Variants in FBXL4 observed in about 807,000 individuals in gnomAD.
The protein encoded by FBXL4 is F-box and leucine rich repeat protein 4.
A neutral mutation model predicts 58.9 loss-of-function variants in FBXL4; 40 were observed. The observed-to-expected ratio is 0.68, with a 90% CI of 0.53 to 0.88. FBXL4 has a LOEUF of 0.88. Among genes scored for constraint, FBXL4 ranks in the 40% least tolerant of loss-of-function variants. The pLI is 0.00. For synonymous variants in FBXL4, 263 were observed against 265.5 expected, an observed-to-expected ratio of 0.99 and a Z score of 0.09; for missense variants, 676 against 734.4, an observed-to-expected ratio of 0.92 and a Z score of 0.92.
intron 5 of FBXL4, among the ~76,000 whole-genome samples, chr6:98,911,173 G>T (rs190691764): frequency 2.8e-4 from 43 of 152,302 alleles, no homozygotes; most frequent in African/African-American, 8.4e-4. Context: ...CAAAGCAGCC[G>T]GGAAGCTCAA....
intron 1 of FBXL4, among the ~76,000 whole-genome samples, chr6:98,944,672 C>T (rs1481982996): frequency 6.6e-6 from 1 of 152,068 alleles, no homozygotes; most frequent in African/African-American, 2.4e-5. Context: ...GAGATGTCTC[C>T]CTCTGGTACA....
chr6:98,941,010 C>T (rs556692702), intron 1 of FBXL4, among the ~76,000 whole-genome samples: 9 of 152,280 alleles, frequency 5.9e-5, no homozygotes, highest in South Asian at 2.1e-4. Context: ...AACAGTTTCA[C>T]GGTTTATTAT....
At chr6:98,910,554 G>A (rs1040409679) in intron 5 of FBXL4, among the ~76,000 whole-genome samples, 20 of 152,076 alleles carry the variant, frequency 1.3e-4, no homozygotes, top group African/African-American at 4.6e-4. Context: ...CTACTCGGGA[G>A]GCTGAGGCAG....
chr6:98,933,202 C>A (rs1401049698), intron 2 of FBXL4, among the ~76,000 whole-genome samples: 1 of 152,012 alleles, frequency 6.6e-6, no homozygotes, highest in Non-Finnish European at 1.5e-5. Context: ...CCTGGCTGGC[C>A]CCCTCTAGCT....
chr6:98,905,831 TCA>T (rs1312848437), intron 5 of FBXL4, among the ~76,000 whole-genome samples, 161 bp from the exon 6 acceptor site: 1 of 152,162 alleles, frequency 6.6e-6, no homozygotes, highest in Non-Finnish European at 1.5e-5. Flanking sequence ...ATAAAAGAAA[TCA>T]TACGTGCATT....
intron 1 of FBXL4, among the ~76,000 whole-genome samples, chr6:98,935,177 T>C (rs977030567): frequency 1.3e-5 from 2 of 151,996 alleles, no homozygotes; most frequent in African/African-American, 4.8e-5. Context: ...AGACTTTCTT[T>C]AACAAGCATA....
chr6:98,915,690 A>G (rs549704758), intron 5 of FBXL4, among the ~76,000 whole-genome samples: 82 of 152,366 alleles, frequency 5.4e-4, no homozygotes, highest in African/African-American at 1.9e-3. Flanking sequence ...TAAAGACATA[A>G]ACGTTAGACC....
At chr6:98,923,519 T>C (rs575179749) in intron 4 of FBXL4, among the ~76,000 whole-genome samples, 2 of 152,216 alleles carry the variant, frequency 1.3e-5, no homozygotes, top group Non-Finnish European at 2.9e-5. Context: ...CACGTTCAAA[T>C]GTGCTGTTGT....
intron 5 of FBXL4, among the ~76,000 whole-genome samples, chr6:98,913,230 G>A (rs1032312911): frequency 1.3e-5 from 2 of 152,124 alleles, no homozygotes; most frequent in African/African-American, 4.8e-5. Context: ...AATAATGGGA[G>A]ACTTTAACAC....
At chr6:98,880,747 GT>G in intron 7 of FBXL4, 123 bp from the exon 8 acceptor site, 1 of 770,046 alleles carries the variant, frequency 1.3e-6, no homozygotes, top group Non-Finnish European at 2.2e-6. Context: ...CAAAAGCTAG[GT>G]TACAGAGTCC....
intron 5 of FBXL4, among the ~76,000 whole-genome samples, chr6:98,914,930 A>G (rs1487707161): frequency 6.6e-6 from 1 of 152,172 alleles, no homozygotes; most frequent in Admixed American, 6.5e-5. Flanking sequence ...CCATTGTCTC[A>G]GCCCAAAATC....
chr6:98,908,669 T>C (rs1418193360), intron 5 of FBXL4, among the ~76,000 whole-genome samples: 1 of 152,172 alleles, frequency 6.6e-6, no homozygotes, highest in Non-Finnish European at 1.5e-5. Context: ...ATCAAAACGT[T>C]TTTATTCTGA....
chr6:98,885,911 C>T (rs13210820), intron 7 of FBXL4, among the ~76,000 whole-genome samples: 7,532 of 152,272 alleles, frequency 0.049, 252 homozygotes, highest in Middle Eastern at 0.12. Context: ...AAGCCAGCTG[C>T]CATGTCATGA....
chr6:98,897,487 T>C (rs1582390911), intron 7 of FBXL4: 1 of 374,356 alleles, frequency 2.7e-6, no homozygotes, highest in Middle Eastern at 1.4e-3. Context: ...ATCAAAGTCT[T>C]CTTTCCACCC....
intron 4 of FBXL4, among the ~76,000 whole-genome samples, chr6:98,919,621 T>C (rs961047855): frequency 1.3e-5 from 2 of 152,062 alleles, no homozygotes; most frequent in Non-Finnish European, 2.9e-5. Flanking sequence ...TCCCTAGAGA[T>C]TAACTGCTAA....
chr6:98,879,815 T>A (rs1280887093), intron 8 of FBXL4, among the ~76,000 whole-genome samples: 3 of 151,880 alleles, frequency 2.0e-5, no homozygotes, highest in African/African-American at 7.3e-5. Context: ...TAGTGGTACA[T>A]CCCTGTAATC....
At chr6:98,922,370 A>C (rs534304635) in intron 4 of FBXL4, among the ~76,000 whole-genome samples, 17 of 152,324 alleles carry the variant, frequency 1.1e-4, no homozygotes, top group Middle Eastern at 3.4e-3. Flanking sequence ...TTAAATTTTA[A>C]ATGTTCTGGG....
At chr6:98,900,659 A>T (rs1771574355) in intron 6 of FBXL4, among the ~76,000 whole-genome samples, 1 of 152,218 alleles carries the variant, frequency 6.6e-6, no homozygotes, top group Non-Finnish European at 1.5e-5. Context: ...TAAAGGTCAA[A>T]GCACCCCATA....
At chr6:98,931,706 T>C (rs953004727) in intron 2 of FBXL4, among the ~76,000 whole-genome samples, 1 of 152,230 alleles carries the variant, frequency 6.6e-6, no homozygotes, top group Non-Finnish European at 1.5e-5. Context: ...ACGTCCTTCA[T>C]TGATTCTAAA....
Sources: gnomAD v4.1 joint callset for allele counts (sites outside exome capture counted in the v4.1 genomes callset) on GRCh38, gnomAD v4.1.1 for gene constraint, MANE v1.5 for transcripts, NCBI Gene and HGNC (gene_info 2026-07-23, HGNC 2026-07-21) for gene names.